Variants in VAV2 observed in about 807,000 individuals in gnomAD.
VAV2 encodes vav guanine nucleotide exchange factor 2.
In VAV2, 67 loss-of-function variants were observed where a neutral mutation model predicts 132.5. The ratio of observed to expected loss-of-function variants is 0.51; its 90% confidence interval spans 0.42 to 0.62. The LOEUF (loss-of-function observed/expected upper bound fraction) is 0.62, where lower values mean the gene tolerates loss of function less well. Among genes scored for constraint, VAV2 ranks in the 20% least tolerant of loss-of-function variants. VAV2 has a pLI of 0.00. For synonymous variants in VAV2, 492 were observed against 443.5 expected (o/e 1.11, Z -1.37); for missense variants, 938 against 1,153.6 (o/e 0.81, Z 2.71).
chr9:133,946,181 G>A (rs563928018), intron 1 of VAV2, among the ~76,000 whole-genome samples: 16 of 152,292 alleles, frequency 1.1e-4, no homozygotes, highest in South Asian at 8.3e-4. Flanking sequence ...CTGTTAGCCC[G>A]CCACCCCGCT....
At chr9:133,870,392 T>C (rs768130820) in intron 2 of VAV2, among the ~76,000 whole-genome samples, 1 of 152,202 alleles carries the variant, frequency 6.6e-6, no homozygotes, top group Non-Finnish European at 1.5e-5. Context: ...AGGGTCTGGT[T>C]GTCCTTACAA....
intron 19 of VAV2, among the ~76,000 whole-genome samples, chr9:133,782,100 C>G (rs1012373297): frequency 1.5e-5 from 2 of 130,854 alleles, no homozygotes; most frequent in African/African-American, 5.7e-5. Flanking sequence ...AATAATCCGG[C>G]GGGGGCGGGG....
chr9:133,776,179 G>A, intron 23 of VAV2, 99 bp from the exon 24 acceptor site: 2 of 1,507,900 alleles, frequency 1.3e-6, no homozygotes, highest in Non-Finnish European at 1.8e-6. Flanking sequence ...TCCCCACATT[G>A]GCTGCCCTGG....
At chr9:133,821,843 C>A (rs1402145821) in intron 4 of VAV2, among the ~76,000 whole-genome samples, 1 of 152,232 alleles carries the variant, frequency 6.6e-6, no homozygotes, top group Non-Finnish European at 1.5e-5. Context: ...TGGGCCCCAG[C>A]CCAGCTCCCT....
chr9:133,864,274 A>G (rs1837713606), intron 2 of VAV2, among the ~76,000 whole-genome samples: 1 of 152,218 alleles, frequency 6.6e-6, no homozygotes, highest in South Asian at 2.1e-4. Flanking sequence ...GGGAGGAAAG[A>G]CAAGAGGAAT....
In VAV2 at chr9:133,888,580, G is replaced by A. The variant is rs186631570; in HGVS notation, c.322-27148C>T. Among the ~76,000 whole-genome samples the A allele has an allele frequency of 1.7e-4, 26 of 152,314 alleles. No individual in the cohort carries two copies. The East Asian group carries it at 4.3e-3, about 25-fold the overall frequency. ...CAGGAGCCACGTCACTCTCACAGAT[G>A]GACAGACAGACGGATGCAGCTCTGG... is the stretch of plus-strand genomic sequence containing the variant. On this transcript the variant is annotated intron_variant, in intron 2 of 29. Transcript: ENST00000371850.
intron 24 of VAV2, among the ~76,000 whole-genome samples, chr9:133,775,785 T>C (rs1183480870): frequency 6.6e-6 from 1 of 152,250 alleles, no homozygotes; most frequent in Non-Finnish European, 1.5e-5. Context: ...CCAGTTGAGC[T>C]GTTTTAGAGA....
intron 7 of VAV2, among the ~76,000 whole-genome samples, chr9:133,807,925 C>G: frequency 6.6e-6 from 1 of 152,322 alleles, no homozygotes; most frequent in Admixed American, 6.5e-5. Flanking sequence ...CTCTCCTGCT[C>G]CCCGAGTGGC....
intron 10 of VAV2, 72 bp from the exon 11 acceptor site, chr9:133,796,596 C>T (rs1274972444): frequency 2.2e-6 from 3 of 1,390,634 alleles, no homozygotes; most frequent in Admixed American, 2.1e-5. Flanking sequence ...GTACCCCCGC[C>T]CACAGAGAGG....
At chr9:133,771,224 C>T (rs1367286960) in intron 26 of VAV2, among the ~76,000 whole-genome samples, 5 of 152,028 alleles carry the variant, frequency 3.3e-5, no homozygotes, top group Non-Finnish European at 7.4e-5. Context: ...CCACCATGCC[C>T]GGCTAATTTT....
rs2132047284 is a variant in VAV2, at chr9:133,912,453, T to C, written c.321+26650A>G. On this transcript the variant is annotated intron_variant, in intron 2 of 29. Coordinates refer to ENST00000371850, the MANE Select transcript of VAV2 (RefSeq NM_001134398.2). The surrounding 1 kb of genome is among the most constrained non-coding windows in gnomAD (Gnocchi z 4.3). Reference sequence around the variant, plus strand: ...AGGAACCAGGACGCAGTGGCGCTTTTCCATCTGTACCCCAACATGTCAGGG... The same window carrying C: ...AGGAACCAGGACGCAGTGGCGCTTTCCCATCTGTACCCCAACATGTCAGGG... Among the ~76,000 whole-genome samples, 1 of 152,218 alleles carries C rather than the reference T, an allele frequency of 6.6e-6. No individual in the cohort carries two copies. Among genetic ancestry groups the C allele is most frequent in the South Asian group, 2.1e-4 (1 of 4,818 alleles).
Position 133,809,140 on chromosome 9 carries a change from TA to T in VAV2, c.568-3del. 6.2e-7 allele frequency: 1 copy of T among 1,613,460 alleles called. No homozygotes were observed. Among genetic ancestry groups the T allele is most frequent in the South Asian group, 1.1e-5 (1 of 91,008 alleles). On this transcript the variant is annotated splice_polypyrimidine_tract_variant and splice_region_variant and intron_variant, in intron 6 of 29. Transcript: ENST00000371850. Reference sequence around the variant, plus strand: ...GTCATCTTCAGTCATGCCCATTTTCTAGAGGAGGGAAGGGGGAGTCAGCAGG... The same window carrying T: ...GTCATCTTCAGTCATGCCCATTTTCTGAGGAGGGAAGGGGGAGTCAGCAGG...
intron 2 of VAV2, among the ~76,000 whole-genome samples, chr9:133,914,291 C>T (rs1050717105): frequency 2.0e-5 from 3 of 152,136 alleles, no homozygotes; most frequent in African/African-American, 7.2e-5. Context: ...GATGGGAAGA[C>T]AGGTGTTCAG....
At position 133,804,638 on chromosome 9, in the gene VAV2, TC is replaced by T. The variant is rs1285229798; in HGVS notation, c.836+1442del. On this transcript the variant is annotated intron_variant, in intron 9 of 29. Transcript: ENST00000371850. This position sits in a 1 kb window ranked among gnomAD's most constrained non-coding sequence, Gnocchi z 4.5. ...ACGCCTCATCCGTGGCTCCCTCCCTTCCTGGCCGAGGGACAGCATGAACAAG... is the reference window on the plus strand; with the variant it reads ...ACGCCTCATCCGTGGCTCCCTCCCTTCTGGCCGAGGGACAGCATGAACAAG... Among the ~76,000 whole-genome samples, 1 of 152,164 alleles carries T rather than the reference TC, an allele frequency of 6.6e-6. No individual in the cohort carries two copies. The highest frequency in any genetic ancestry group is 1.9e-4 in the East Asian group (1 of 5,206).
intron 16 of VAV2, 121 bp from the exon 17 acceptor site, chr9:133,786,006 G>A (rs1564344521): frequency 3.0e-5 from 5 of 164,262 alleles, no homozygotes; most frequent in Non-Finnish European, 5.3e-5. Context: ...GTGCACAGGT[G>A]CCTGTGCCTG....
intron 25 of VAV2, 75 bp downstream of exon 25, chr9:133,774,860 G>A (rs527750307): frequency 5.2e-5 from 70 of 1,339,958 alleles, no homozygotes; most frequent in Middle Eastern, 3.7e-4. Flanking sequence ...AGCTCAGGAC[G>A]TGGAGAGGAT....
intron 2 of VAV2, among the ~76,000 whole-genome samples, chr9:133,862,628 G>A (rs1331084543): frequency 2.0e-5 from 3 of 152,192 alleles, no homozygotes; most frequent in Non-Finnish European, 2.9e-5. Flanking sequence ...GGCCCACGAC[G>A]GCCACGTGCC....
intron 3 of VAV2, among the ~76,000 whole-genome samples, chr9:133,850,473 A>C (rs1837122497): frequency 6.6e-6 from 1 of 152,154 alleles, no homozygotes; most frequent in Non-Finnish European, 1.5e-5. Context: ...ATGAGGAACG[A>C]ATGAGGGAAT....
intron 2 of VAV2, among the ~76,000 whole-genome samples, chr9:133,900,782 T>C (rs892309098): frequency 1.1e-4 from 16 of 148,940 alleles, no homozygotes; most frequent in Non-Finnish European, 2.3e-4. Flanking sequence ...TTTATTTATT[T>C]ATTTATTTAT....
Sources: gnomAD v4.1 joint callset for allele counts (sites outside exome capture counted in the v4.1 genomes callset) on GRCh38, gnomAD v4.1.1 for gene constraint, Gnocchi (gnomAD v3.1) non-coding constraint, MANE v1.5 for transcripts, NCBI Gene and HGNC (gene_info 2026-07-23, HGNC 2026-07-21) for gene names.